Variants in IL6ST observed in about 807,000 individuals in gnomAD.
IL6ST encodes the protein interleukin-6 receptor subunit beta.
A neutral mutation model predicts 91.3 loss-of-function variants in IL6ST; 24 were observed. The observed-to-expected ratio is 0.26, with a 90% CI of 0.19 to 0.37. IL6ST has a LOEUF of 0.37. Among genes scored for constraint, IL6ST ranks in the 10% least tolerant of loss-of-function variants. The pLI, the probability that IL6ST is intolerant of heterozygous loss-of-function variation, is 1.00. For synonymous variants in IL6ST, 351 were observed against 373.6 expected (o/e 0.94, Z 0.70); for missense variants, 914 against 1,078.5 (o/e 0.85, Z 2.14).
Position 55,956,111 on chromosome 5 carries a change from T to A in IL6ST, c.1181A>T (p.Asp394Val). 1 of 1,613,202 alleles carries A rather than the reference T, an allele frequency of 6.2e-7. No individual in the cohort carries two copies. The highest frequency in any genetic ancestry group is 8.5e-7 in the Non-Finnish European group (1 of 1,179,140). The change falls in exon 10 of 17, where the codon GAT becomes GTT. Residue 394 changes from aspartate to valine, a missense_variant. Asp to Val is a radical substitution (Grantham distance 152). Transcript: ENST00000381298. ...ATKLTVNLTNDRYLATLTVRN... is the reference protein window; with the variant it reads ...ATKLTVNLTNVRYLATLTVRN... ...TACTGTTAGGGTTGCTAGATAGCGA[T>A]CATTTGTGAGATTTACTGTCAGTTT...
At chr5:55,959,031 T>TA (rs951550631) in intron 8 of IL6ST, among the ~76,000 whole-genome samples, 13 of 150,966 alleles carry the variant, frequency 8.6e-5, no homozygotes, top group African/African-American at 2.4e-4. Context: ...ATGAAATTAT[T>TA]AAAAAAAAAT....
chr5:55,950,624 A>C (rs1163421521), intron 14 of IL6ST, among the ~76,000 whole-genome samples: 1 of 151,648 alleles, frequency 6.6e-6, no homozygotes, highest in Non-Finnish European at 1.5e-5. Flanking sequence ...CTGTGCTAGC[A>C]GAAAAAGTAT....
chr5:55,947,592 T>TAAA lies in IL6ST; in HGVS notation c.1841-6_1841-4dup, dbSNP rs71602925. The TAAA allele has an allele frequency of 0.016, 6,193 of 388,696 alleles. 148 individuals are homozygous for TAAA. The highest frequency in any genetic ancestry group is 0.051 in the African/African-American group (1,060 of 20,952). 24.1% of individuals were successfully genotyped at this position (388,696 alleles called of 1,614,324 possible). ...TATGGCTTCAATTTCTCCTTGAGCT[T>TAAA]AAAAAAAAAAAAAAAAAAAAAAAAA... On this transcript the variant is annotated splice_polypyrimidine_tract_variant and splice_region_variant and intron_variant, in intron 14 of 16. Transcript: ENST00000381298.
chr5:55,983,165 A>T (rs1205647496), intron 1 of IL6ST, among the ~76,000 whole-genome samples: 1 of 151,950 alleles, frequency 6.6e-6, no homozygotes, highest in African/African-American at 2.4e-5. Context: ...TGCCTAGCTA[A>T]TTTTTTTATT....
chr5:55,969,744 T>C lies in IL6ST; in HGVS notation c.176A>G (p.His59Arg). 1.2e-6 allele frequency: 2 copies of C among 1,611,356 alleles called. No individual in the cohort carries two copies. The highest frequency in any genetic ancestry group is 2.2e-5 in the South Asian group (2 of 91,044). Residue 59 changes from histidine to arginine, a missense_variant, in exon 4 of 17, where the codon CAT (histidine) becomes CGT (arginine). Transcript: ENST00000381298. ...CCAGACAATGTAATTAGCATTTACA[T>C]GAAAATAATCCATACATTTTTCCTT... ...VLKEKCMDYF[H>R]VNANYIVWKT...
intron 1 of IL6ST, among the ~76,000 whole-genome samples, chr5:55,988,739 C>A (rs1366116145): frequency 8.8e-5 from 13 of 148,266 alleles, no homozygotes; most frequent in Non-Finnish European, 1.9e-4. Flanking sequence ...GCACTCCAGC[C>A]CAGGCAACAA....
intron 10 of IL6ST, among the ~76,000 whole-genome samples, chr5:55,955,736 C>A (rs1014666272): frequency 1.3e-5 from 2 of 152,166 alleles, no homozygotes; most frequent in Non-Finnish European, 1.5e-5. Flanking sequence ...AATGCGATCA[C>A]TAGCTGGGTT....
chr5:55,976,041 A>G (rs1753269231), intron 3 of IL6ST, 174 bp downstream of exon 3: 2 of 354,218 alleles, frequency 5.6e-6, no homozygotes, highest in African/African-American at 2.1e-5. Context: ...AATTATACAA[A>G]AACAGATTAT....
intron 4 of IL6ST, among the ~76,000 whole-genome samples, chr5:55,969,325 G>C (rs983065698): frequency 6.6e-6 from 1 of 151,544 alleles, no homozygotes; most frequent in Non-Finnish European, 1.5e-5. Context: ...CCTGTGGTGG[G>C]GGGGGTCTCA....
rs1752838513 is a variant in IL6ST, at chr5:55,969,597, A to C, written c.323T>G (p.Phe108Cys). 2.5e-6 allele frequency: 4 copies of C among 1,613,300 alleles called. No individual in the cohort carries two copies. The highest frequency in any genetic ancestry group is 4.5e-5 in the East Asian group (2 of 44,822). ...ATAAACATTCTGTTCAAGCTGTCCGAATGTAAGAATGTTGCAAGTGAGCTG... is the reference window on the plus strand; with the variant it reads ...ATAAACATTCTGTTCAAGCTGTCCGCATGTAAGAATGTTGCAAGTGAGCTG... ...NIQLTCNILT[F>C]GQLEQNVYGI... The change falls in exon 4 of 17, where the codon TTC becomes TGC. Residue 108 changes from phenylalanine to cysteine, a missense_variant. Transcript: ENST00000381298.
At chr5:55,992,039 C>T (rs1754363157) in intron 1 of IL6ST, among the ~76,000 whole-genome samples, 1 of 152,202 alleles carries the variant, frequency 6.6e-6, no homozygotes, top group Non-Finnish European at 1.5e-5. Context: ...GTCTGTGCTT[C>T]TACATATATT....
chr5:55,942,292 A>ATGAT (rs1750969512), intron 16 of IL6ST, among the ~76,000 whole-genome samples: 1 of 152,238 alleles, frequency 6.6e-6, no homozygotes, highest in African/African-American at 2.4e-5. Flanking sequence ...CAGTGCTAAA[A>ATGAT]TGATAAACTG....
At chr5:55,983,691 G>A (rs536616933) in intron 1 of IL6ST, among the ~76,000 whole-genome samples, 4 of 151,840 alleles carry the variant, frequency 2.6e-5, no homozygotes, top group Non-Finnish European at 5.9e-5. Flanking sequence ...AAAAGAAACT[G>A]AAAAAATGCC....
chr5:55,985,732 G>A (rs1295276377), intron 1 of IL6ST, among the ~76,000 whole-genome samples: 1 of 152,040 alleles, frequency 6.6e-6, no homozygotes, highest in Non-Finnish European at 1.5e-5. Context: ...TTGCCTTTGC[G>A]TCTTTCTTAA....
rs1251783671 is a variant in IL6ST at position 55,935,153 on chromosome 5, C to T, written c.*5929G>A. ...TGTGGATTACCACCATATAGCTCAC[C>T]ATGTTATCCCAGAAAGACTACAATT... is the stretch of plus-strand genomic sequence containing the variant. On this transcript the variant is annotated 3_prime_UTR_variant, in exon 17 of 17. Transcript: ENST00000381298. 1 of 178,168 alleles carries T rather than the reference C, an allele frequency of 5.6e-6. No homozygotes were observed. Among genetic ancestry groups the T allele is most frequent in the Non-Finnish European group, 1.2e-5 (1 of 83,066 alleles). The allele number at this position is 178,168 out of a possible 1,614,324, so 11.0% of individuals were successfully genotyped here.
At chr5:55,976,809 A>G (rs1369494208) in intron 2 of IL6ST, among the ~76,000 whole-genome samples, 3 of 152,258 alleles carry the variant, frequency 2.0e-5, no homozygotes, top group Non-Finnish European at 4.4e-5. Context: ...CAAGCATGTG[A>G]AAAGATACTT....
intron 9 of IL6ST, among the ~76,000 whole-genome samples, chr5:55,956,911 G>A (rs1445753275): frequency 6.6e-6 from 1 of 152,140 alleles, no homozygotes; most frequent in Non-Finnish European, 1.5e-5. Flanking sequence ...TGTAATCCCA[G>A]TACTTTGGGA....
chr5:55,975,970 A>G (rs1253154912), intron 3 of IL6ST, among the ~76,000 whole-genome samples: 10 of 151,660 alleles, frequency 6.6e-5, no homozygotes, highest in Non-Finnish European at 4.4e-5. Context: ...ATTGATATAC[A>G]GCATTTAAGA....
chr5:55,935,408 T>G lies in IL6ST; in HGVS notation c.*5674A>C, dbSNP rs1360556045. 1 of 203,788 alleles carries G rather than the reference T, an allele frequency of 4.9e-6. No homozygotes were observed. The highest frequency in any genetic ancestry group is 1.0e-5 in the Non-Finnish European group (1 of 99,452). 12.6% of individuals were successfully genotyped at this position (203,788 alleles called of 1,614,324 possible). Reference sequence around the variant, plus strand: ...GAAAATCTTTAGCGGTTGGGGAAAATAGCTATATTTAAAAACAAATATTGA... The same window carrying G: ...GAAAATCTTTAGCGGTTGGGGAAAAGAGCTATATTTAAAAACAAATATTGA... On this transcript the variant is annotated 3_prime_UTR_variant, in exon 17 of 17. Coordinates refer to ENST00000381298, the MANE Select transcript of IL6ST (RefSeq NM_002184.4).
Sources: allele counts gnomAD v4.1 joint callset (sites outside exome capture counted in the v4.1 genomes callset), GRCh38; gene constraint gnomAD v4.1.1; transcripts MANE v1.5; gene names NCBI Gene and HGNC (gene_info 2026-07-23, HGNC 2026-07-21).